Variants in GRK1 observed in about 807,000 individuals in gnomAD.
GRK1 encodes the protein rhodopsin kinase GRK1.
In GRK1, 28 loss-of-function variants were observed where a neutral mutation model predicts 41.7. The observed-to-expected ratio is 0.67, with a 90% CI of 0.50 to 0.92. The LOEUF is 0.92. Ranked by LOEUF, GRK1 falls within the 40% of genes least tolerant of loss-of-function variation. The pLI is 0.00. For synonymous variants in GRK1, 327 were observed against 286.7 expected (o/e 1.14, Z -1.42); for missense variants, 703 against 671.2 (o/e 1.05, Z -0.52).
At chr13:113,651,710 G>A in the GRK1 span, 1 of 1,613,816 alleles carries the variant, frequency 6.2e-7, no homozygotes, top group South Asian at 1.1e-5. Flanking sequence ...AGCCGTTGCT[G>A]GGGAGGAACT....
In GRK1 at chr13:113,733,108, C is replaced by T. The variant is rs1195378340; in HGVS notation, c.1396+23C>T. 1.3e-5 allele frequency: 20 copies of T among 1,528,144 alleles called. No homozygotes were observed. In the Admixed American group the frequency reaches 1.8e-4, roughly 14 times the overall value. The allele number at this position is 1,528,144 out of a possible 1,614,324, so 94.7% of individuals were successfully genotyped here. ...CTGGTACTGTTGGACGCCTCAGCCC[C>T]GGAGAGGGTGGGGTTCTGTGCTGTG... On this transcript the variant is annotated intron_variant, in intron 6 of 6. Transcript: ENST00000335678.
intron 4 of GRK1, among the ~76,000 whole-genome samples, chr13:113,729,110 C>T (rs2049915016): frequency 6.6e-6 from 1 of 152,148 alleles, no homozygotes; most frequent in Admixed American, 6.5e-5. Flanking sequence ...CGAGCTGAGA[C>T]TGTGGGACGA....
At chr13:113,733,814 C>CAT (rs2049969098) in intron 6 of GRK1, among the ~76,000 whole-genome samples, 4 of 88,726 alleles carry the variant, frequency 4.5e-5, no homozygotes, top group Admixed American at 2.3e-4. Context: ...TGTGTGCATA[C>CAT]GTGTGTGCGT....
At position 113,735,229 on chromosome 13, in the gene GRK1, G is replaced by T. The variant is rs1453875527; in HGVS notation, c.1558G>T (p.Glu520Ter). 3.9e-6 allele frequency: 6 copies of T among 1,537,028 alleles called. No homozygotes were observed. The highest frequency in any genetic ancestry group is 5.2e-6 in the Non-Finnish European group (6 of 1,146,872). The change falls in exon 7 of 7, where the codon GAG becomes TAG. Residue 520 changes from glutamate to a stop codon, truncating the protein, a stop_gained. Transcript: ENST00000335678. LOFTEE classifies it low-confidence loss of function (END_TRUNC). Reference protein sequence around the residue: ...ATGNCPIPWQEEMIETGIFGE... With the variant: ...ATGNCPIPWQ ...TGGCAACTGCCCCATCCCCTGGCAG[G>T]AGGAGATGATCGAGACGGGCATCTT...
chr13:113,723,744 C>CTA (rs1555360564), intron 4 of GRK1, among the ~76,000 whole-genome samples: 1 of 151,950 alleles, frequency 6.6e-6, no homozygotes, highest in Non-Finnish European at 1.5e-5. Context: ...TTTCCTTTTA[C>CTA]AGTGTGCCTG....
upstream of GRK1, among the ~76,000 whole-genome samples, chr13:113,663,841 G>A (rs1257135957): frequency 1.3e-5 from 2 of 152,184 alleles, no homozygotes; most frequent in African/African-American, 2.4e-5. Flanking sequence ...CACCATCGCT[G>A]GTGGGAATGT....
At chr13:113,660,870 A>G in the GRK1 span, among the ~76,000 whole-genome samples, 17 of 152,258 alleles carry the variant, frequency 1.1e-4, no homozygotes, top group Non-Finnish European at 1.6e-4. Flanking sequence ...TGGAAAGCAA[A>G]CTGATAGAAC....
At chr13:113,725,351 C>T (rs36188526) in intron 4 of GRK1, among the ~76,000 whole-genome samples, 55 of 95,568 alleles carry the variant, frequency 5.8e-4, no homozygotes, top group East Asian at 9.8e-4. Flanking sequence ...CGGGGCCGGT[C>T]ATGCGCGGTC....
At chr13:113,651,738 A>C in the GRK1 span, 1 of 1,613,406 alleles carries the variant, frequency 6.2e-7, no homozygotes. Flanking sequence ...CTAGAAGGGA[A>C]AAGCTTGAGC....
chr13:113,733,870 C>T lies in GRK1; in HGVS notation c.1396+785C>T, dbSNP rs1409697058. Among the ~76,000 whole-genome samples the T allele has an allele frequency of 5.9e-4, 53 of 89,994 alleles. 1 individual carries two copies. Among genetic ancestry groups the T allele is most frequent in the African/African-American group, 2.4e-3 (41 of 17,304 alleles). 59.0% of individuals were successfully genotyped at this position (89,994 alleles called of 152,430 possible). Reference sequence around the variant, plus strand: ...ATGTGTATGTGTGCATACGTGTGTGCGTGTGTGCATACGTGTGTGCGTGTG... The same window carrying T: ...ATGTGTATGTGTGCATACGTGTGTGTGTGTGTGCATACGTGTGTGCGTGTG... On this transcript the variant is annotated intron_variant, in intron 6 of 6. Coordinates refer to ENST00000335678, the MANE Select transcript of GRK1 (RefSeq NM_002929.3).
the GRK1 span, among the ~76,000 whole-genome samples, chr13:113,655,856 A>G: frequency 6.6e-6 from 1 of 152,230 alleles, no homozygotes. Flanking sequence ...TCAGAGAAGC[A>G]AGGGAGTGCA....
intron 4 of GRK1, among the ~76,000 whole-genome samples, chr13:113,730,330 T>C (rs2049927478): frequency 9.0e-6 from 1 of 111,556 alleles, no homozygotes; most frequent in Non-Finnish European, 1.8e-5. Flanking sequence ...AGTCCCCCAG[T>C]CCCCGCAGCT....
rs1594575654 is a variant in GRK1, at chr13:113,726,990, A to C, written c.1069+3833A>C. Reference sequence around the variant, plus strand: ...AGAAGTGTCAAAACTGACCAGCCCCAGCAGCCCCCATGCCCCAGCCTGCGG... The same window carrying C: ...AGAAGTGTCAAAACTGACCAGCCCCCGCAGCCCCCATGCCCCAGCCTGCGG... On this transcript the variant is annotated intron_variant, in intron 4 of 6. Transcript: ENST00000335678. Among the ~76,000 whole-genome samples, 5 of 152,244 alleles carry C rather than the reference A, an allele frequency of 3.3e-5. No homozygotes were observed. In the South Asian group the frequency reaches 1.0e-3, roughly 31 times the overall value.
In GRK1 at chr13:113,735,459, G is replaced by C; in HGVS notation, c.*96G>C. ...GCCAGCCTGGGGTCTGCTAGCAAGG[G>C]GACACGTGGTTCCCTCCACCCAGGT... On this transcript the variant is annotated 3_prime_UTR_variant, in exon 7 of 7. Transcript: ENST00000335678. 7.5e-7 allele frequency: 1 copy of C among 1,332,576 alleles called. No homozygotes were observed. Among genetic ancestry groups the C allele is most frequent in the Non-Finnish European group, 9.9e-7 (1 of 1,012,350 alleles). The allele number at this position is 1,332,576 out of a possible 1,614,324, so 82.5% of individuals were successfully genotyped here. A position where few individuals can be genotyped will look rare whatever the true frequency, so the allele number is the denominator to read the frequency against.
chr13:113,670,350 T>C (rs1002900497), intron 2 of GRK1, among the ~76,000 whole-genome samples: 7 of 152,162 alleles, frequency 4.6e-5, no homozygotes, highest in South Asian at 2.1e-4. Flanking sequence ...CAGGCTCGCT[T>C]GGTAGCTGGG....
rs983616353 is a variant in GRK1, at chr13:113,672,117, G to A, written c.985+461G>A. 6.9e-3 allele frequency among the ~76,000 whole-genome samples: 1,052 copies of A among 152,124 alleles called. 12 individuals carry two copies. Among genetic ancestry groups the A allele is most frequent in the African/African-American group, 0.024 (977 of 41,460 alleles). ...GCCGGCCCTCTTCCCTACACCCTGCGCCCTCCACCGTCAGCCAGGGAGCCA... is the reference window on the plus strand; with the variant it reads ...GCCGGCCCTCTTCCCTACACCCTGCACCCTCCACCGTCAGCCAGGGAGCCA... On this transcript the variant is annotated intron_variant, in intron 3 of 6. Transcript: ENST00000335678.
chr13:113,734,886 G>A (rs1053484457), intron 6 of GRK1, 182 bp from the exon 7 acceptor site: 1 of 536,526 alleles, frequency 1.9e-6, no homozygotes, highest in Non-Finnish European at 3.1e-6. Flanking sequence ...TGGTCTCAGG[G>A]GAACCCAGGG....
At position 113,735,341 on chromosome 13, in the gene GRK1, CAG is replaced by C; in HGVS notation, c.1671_1672del (p.Gly558AspfsTer65). 2 of 1,515,976 alleles carry C rather than the reference CAG, an allele frequency of 1.3e-6. No individual in the cohort carries two copies. Among genetic ancestry groups the C allele is most frequent in the Non-Finnish European group, 1.8e-6 (2 of 1,133,708 alleles). The allele number at this position is 1,515,976 out of a possible 1,614,324, so 93.9% of individuals were successfully genotyped here. On this transcript the variant is annotated frameshift_variant, in exon 7 of 7. Coordinates refer to ENST00000335678, the MANE Select transcript of GRK1 (RefSeq NM_002929.3). LOFTEE classifies it high-confidence loss of function. ...GGGGGCTCCAGCTCCTCGTCCAAGT[CAG>C]GGATGTGTCTGGTTTCCTAGGTGAC...
the GRK1 span, chr13:113,653,298 T>G: frequency 2.0e-6 from 3 of 1,503,716 alleles, no homozygotes; most frequent in Admixed American, 1.8e-5. Context: ...GCTTCACACC[T>G]CACCTGCCGT....
Sources: allele counts gnomAD v4.1 joint callset (sites outside exome capture counted in the v4.1 genomes callset), GRCh38; gene constraint gnomAD v4.1.1; transcripts MANE v1.5; gene names NCBI Gene and HGNC (gene_info 2026-07-23, HGNC 2026-07-21).